RPAP2: variants seen among roughly 807,000 people sequenced by gnomAD.
RPAP2 encodes the protein putative RNA polymerase II subunit B1 CTD phosphatase RPAP2.
A neutral mutation model predicts 73.1 loss-of-function variants in RPAP2; 52 were observed. The ratio of observed to expected loss-of-function variants is 0.71; its 90% confidence interval spans 0.57 to 0.90. RPAP2 has a LOEUF of 0.90. RPAP2 is among the 40% of genes least tolerant of loss of function. RPAP2 has a pLI of 0.00. For synonymous variants in RPAP2, 225 were observed against 242.1 expected, an observed-to-expected ratio of 0.93 and a Z score of 0.65; for missense variants, 598 against 701.8, an observed-to-expected ratio of 0.85 and a Z score of 1.67.
At chr1:92,357,877 A>G (rs922390402) in intron 11 of RPAP2, among the ~76,000 whole-genome samples, 12 of 152,190 alleles carry the variant, frequency 7.9e-5, no homozygotes, top group African/African-American at 2.9e-4. Flanking sequence ...TTCAGTGGGT[A>G]ATGAAAGTCA....
intron 10 of RPAP2, among the ~76,000 whole-genome samples, chr1:92,341,171 G>A (rs1557612422): frequency 2.0e-5 from 3 of 151,778 alleles, no homozygotes; most frequent in South Asian, 2.1e-4. Flanking sequence ...AGCATGCCCC[G>A]CCAATTTTTG....
At chr1:92,303,220 A>G (rs1349457397) in intron 3 of RPAP2, among the ~76,000 whole-genome samples, 1 of 152,228 alleles carries the variant, frequency 6.6e-6, no homozygotes, top group East Asian at 1.9e-4. Flanking sequence ...ATGACAATTC[A>G]TATTTTTATT....
chr1:92,392,041 ACAT>A lies in RPAP2; in HGVS notation c.*5035_*5037del, dbSNP rs780435964. On this transcript the variant is annotated 3_prime_UTR_variant, in exon 13 of 13. Coordinates refer to ENST00000610020, the MANE Select transcript of RPAP2 (RefSeq NM_024813.3). ...CTCCCTAACTCATTTTATGAGGCTA[ACAT>A]CATCCTGATACCAAAGCCTGGCAGA... The A allele has an allele frequency of 1.3e-5, 2 of 152,202 alleles. No homozygotes were observed. The highest frequency in any genetic ancestry group is 6.5e-5 in the Admixed American group (1 of 15,278). The allele number at this position is 152,202 out of a possible 1,614,324, so 9.4% of individuals were successfully genotyped here.
intron 11 of RPAP2, among the ~76,000 whole-genome samples, chr1:92,359,412 C>T (rs1022597858): frequency 3.9e-5 from 6 of 152,234 alleles, no homozygotes; most frequent in Non-Finnish European, 7.3e-5. Context: ...CCCCGCCTCC[C>T]AGGTTCAAGC....
At chr1:92,309,340 G>A (rs538000933) in intron 6 of RPAP2, among the ~76,000 whole-genome samples, 1 of 151,782 alleles carries the variant, frequency 6.6e-6, no homozygotes, top group African/African-American at 2.4e-5. Flanking sequence ...TACTCAGGAG[G>A]CTGAGGTAGG....
At chr1:92,336,205 C>G in intron 9 of RPAP2, 142 bp from the exon 10 acceptor site, 1 of 630,618 alleles carries the variant, frequency 1.6e-6, no homozygotes, top group South Asian at 1.9e-5. Flanking sequence ...TCTCACCAAT[C>G]ATAACCTAGG....
chr1:92,310,693 T>TC (rs1651540637), intron 6 of RPAP2, among the ~76,000 whole-genome samples: 1 of 151,982 alleles, frequency 6.6e-6, no homozygotes, highest in African/African-American at 2.4e-5. Flanking sequence ...GGTCAGGAGT[T>TC]CAAGATCAGC....
At chr1:92,370,155 G>T (rs2101416945) in intron 11 of RPAP2, among the ~76,000 whole-genome samples, 1 of 152,336 alleles carries the variant, frequency 6.6e-6, no homozygotes, top group East Asian at 1.9e-4. Flanking sequence ...AAAGTGCTGG[G>T]ATTACAGGCA....
At chr1:92,326,510 G>A (rs1278832803) in intron 8 of RPAP2, among the ~76,000 whole-genome samples, 1 of 152,108 alleles carries the variant, frequency 6.6e-6, no homozygotes, top group Non-Finnish European at 1.5e-5. Context: ...CTGTGGGTAG[G>A]GCCGTAGAAC....
rs112262275 is a variant in RPAP2 at position 92,318,755 on chromosome 1, T to C, written c.489-1844T>C. Among the ~76,000 whole-genome samples, 1,182 of 152,318 alleles carry C rather than the reference T, an allele frequency of 7.8e-3. 6 individuals are homozygous for C. The highest frequency in any genetic ancestry group is 0.027 in the African/African-American group (1,133 of 41,560). ...GTATTCTGCCTCCTTTGAGATATCC[T>C]TTCATATTGATTATTTTCCCTCTAC... On this transcript the variant is annotated intron_variant, in intron 6 of 12. Coordinates refer to ENST00000610020, the MANE Select transcript of RPAP2 (RefSeq NM_024813.3).
intron 11 of RPAP2, among the ~76,000 whole-genome samples, chr1:92,376,577 C>G (rs562029586): frequency 6.6e-6 from 1 of 152,230 alleles, no homozygotes; most frequent in African/African-American, 2.4e-5. Flanking sequence ...AGTTGATATT[C>G]TTGTCTCCAC....
At position 92,363,215 on chromosome 1, in the gene RPAP2, A is replaced by C. The variant is rs537028168; in HGVS notation, c.1688+17301A>C. On this transcript the variant is annotated intron_variant, in intron 11 of 12. Coordinates refer to ENST00000610020, the MANE Select transcript of RPAP2 (RefSeq NM_024813.3). Reference sequence around the variant, plus strand: ...ACCTGATGATAAGGGTAGGAAAGAGATTGAACAGTAACCATTTGTTTTGGA... The same window carrying C: ...ACCTGATGATAAGGGTAGGAAAGAGCTTGAACAGTAACCATTTGTTTTGGA... Among the ~76,000 whole-genome samples the C allele has an allele frequency of 2.6e-5, 4 of 152,282 alleles. No homozygotes were observed. The South Asian group carries it at 8.3e-4, about 32-fold the overall frequency.
At chr1:92,325,207 T>TG in intron 8 of RPAP2, among the ~76,000 whole-genome samples, 1 of 152,318 alleles carries the variant, frequency 6.6e-6, no homozygotes, top group South Asian at 2.1e-4. Flanking sequence ...TGAAGAGGAA[T>TG]GGGTAATAAC....
At chr1:92,377,710 C>T (rs2101440542) in intron 11 of RPAP2, among the ~76,000 whole-genome samples, 1 of 152,172 alleles carries the variant, frequency 6.6e-6, no homozygotes, top group South Asian at 2.1e-4. Context: ...GATAGATGAG[C>T]AGTATTTGCC....
intron 10 of RPAP2, among the ~76,000 whole-genome samples, chr1:92,339,367 T>C (rs2101264495): frequency 1.5e-5 from 2 of 130,624 alleles, no homozygotes; most frequent in Non-Finnish European, 3.1e-5. Context: ...ATTTAATTGG[T>C]TTGGCATATG....
At chr1:92,346,036 C>A in intron 11 of RPAP2, 122 bp downstream of exon 11, 1 of 572,616 alleles carries the variant, frequency 1.7e-6, no homozygotes, top group Admixed American at 3.2e-5. Context: ...CTATTTTGTG[C>A]CTTATTTTCC....
intron 12 of RPAP2, among the ~76,000 whole-genome samples, chr1:92,384,061 C>T (rs912074636): frequency 4.6e-5 from 7 of 151,518 alleles, no homozygotes; most frequent in African/African-American, 7.3e-5. Flanking sequence ...CCAGTTCAAG[C>T]GATTCTCCTG....
intron 12 of RPAP2, among the ~76,000 whole-genome samples, chr1:92,381,972 A>C (rs1655659034): frequency 7.8e-6 from 1 of 128,218 alleles, no homozygotes; most frequent in African/African-American, 3.0e-5. Flanking sequence ...TCCTGTGTCC[A>C]TGTGTTCTCT....
intron 8 of RPAP2, among the ~76,000 whole-genome samples, chr1:92,324,714 G>C (rs1652523566): frequency 1.3e-5 from 2 of 152,132 alleles, no homozygotes; most frequent in South Asian, 2.1e-4. Flanking sequence ...TATTCTTTCA[G>C]ATTTTTACAT....
Sources: gnomAD v4.1 joint callset for allele counts (sites outside exome capture counted in the v4.1 genomes callset) on GRCh38, gnomAD v4.1.1 for gene constraint, MANE v1.5 for transcripts, NCBI Gene and HGNC (gene_info 2026-07-23, HGNC 2026-07-21) for gene names.